Variants in PLXDC2 observed in about 807,000 individuals in gnomAD.
PLXDC2 encodes plexin domain-containing protein 2.
A neutral mutation model predicts 68.9 loss-of-function variants in PLXDC2; 40 were observed. That is an observed-to-expected ratio of 0.58 (90% CI 0.45 to 0.76). The LOEUF (loss-of-function observed/expected upper bound fraction) is 0.76, where lower values mean the gene tolerates loss of function less well. Ranked by LOEUF, PLXDC2 falls within the 30% of genes least tolerant of loss-of-function variation. The probability of loss-of-function intolerance (pLI) is 0.00; values close to 1 mark genes in which losing one functional copy is unlikely to be tolerated. For missense variants in PLXDC2, 644 were observed against 661.9 expected, an observed-to-expected ratio of 0.97 and a Z score of 0.30; for synonymous variants, 243 against 234.2, an observed-to-expected ratio of 1.04 and a Z score of -0.34.
At chr10:20,011,177 C>T (rs1031500278) in intron 2 of PLXDC2, among the ~76,000 whole-genome samples, 2 of 151,886 alleles carry the variant, frequency 1.3e-5, no homozygotes, top group East Asian at 1.9e-4. Context: ...ATATGTTGAA[C>T]GAAGGGCTCA....
chr10:20,203,600 C>T (rs1287119704), intron 9 of PLXDC2, among the ~76,000 whole-genome samples: 4 of 151,918 alleles, frequency 2.6e-5, no homozygotes, highest in Admixed American at 6.6e-5. Context: ...CATGAGCCAC[C>T]GTGCCCAGCC....
At chr10:19,858,959 G>A (rs1837266896) in intron 1 of PLXDC2, among the ~76,000 whole-genome samples, 1 of 151,628 alleles carries the variant, frequency 6.6e-6, no homozygotes, top group South Asian at 2.1e-4. Flanking sequence ...AAGGCTTCAG[G>A]AAGCTTCCAC....
At chr10:20,176,158 T>C (rs1054327230) in intron 7 of PLXDC2, among the ~76,000 whole-genome samples, 44 of 152,276 alleles carry the variant, frequency 2.9e-4, no homozygotes, top group Non-Finnish European at 5.7e-4. Flanking sequence ...CATCGTGCAA[T>C]ATAAATGCTA....
chr10:20,005,640 C>T (rs1456095782), intron 2 of PLXDC2, among the ~76,000 whole-genome samples: 10 of 151,944 alleles, frequency 6.6e-5, no homozygotes, highest in Non-Finnish European at 1.5e-4. Context: ...TGGGAGCAGG[C>T]GTGTCACATG....
At position 19,965,932 on chromosome 10, in the gene PLXDC2, C is replaced by G. The variant is rs531591002; in HGVS notation, c.113-35843C>G. On this transcript the variant is annotated intron_variant, in intron 1 of 13. Transcript: ENST00000377252. Reference sequence around the variant, plus strand: ...CTTCTTATTAACAAGATCTCAGTCTCAATTCTAGAAGATGCTTCTTTTAGG... The same window carrying G: ...CTTCTTATTAACAAGATCTCAGTCTGAATTCTAGAAGATGCTTCTTTTAGG... 1.1e-3 allele frequency among the ~76,000 whole-genome samples: 165 copies of G among 152,172 alleles called. 1 individual carries two copies. Among genetic ancestry groups the G allele is most frequent in the Non-Finnish European group, 2.0e-3 (137 of 68,010 alleles).
intron 1 of PLXDC2, among the ~76,000 whole-genome samples, chr10:19,830,850 TG>T (rs1337053780): frequency 1.3e-5 from 2 of 152,184 alleles, no homozygotes; most frequent in Non-Finnish European, 2.9e-5. Context: ...GATTTTGAGC[TG>T]GGATTTGTTA....
chr10:19,895,529 T>C (rs1366343469), intron 1 of PLXDC2, among the ~76,000 whole-genome samples: 1 of 152,202 alleles, frequency 6.6e-6, no homozygotes, highest in African/African-American at 2.4e-5. Flanking sequence ...AATATAAAAA[T>C]TACTTGTGTG....
At chr10:19,849,678 G>A (rs551053289) in intron 1 of PLXDC2, among the ~76,000 whole-genome samples, 2 of 152,054 alleles carry the variant, frequency 1.3e-5, no homozygotes, top group South Asian at 4.1e-4. Flanking sequence ...CCCTAACCCT[G>A]CACAACCATG....
chr10:20,108,225 C>T (rs1437166866), intron 4 of PLXDC2, among the ~76,000 whole-genome samples: 1 of 151,988 alleles, frequency 6.6e-6, no homozygotes, highest in Non-Finnish European at 1.5e-5. Flanking sequence ...GTAATGTTTC[C>T]CGAGTTGGGT....
chr10:19,936,245 C>T (rs775731956), intron 1 of PLXDC2, among the ~76,000 whole-genome samples: 2 of 152,190 alleles, frequency 1.3e-5, no homozygotes. Context: ...ACTCCCCACT[C>T]ATCTCACCTC....
At chr10:19,904,785 G>C (rs1050468746) in intron 1 of PLXDC2, among the ~76,000 whole-genome samples, 1 of 152,162 alleles carries the variant, frequency 6.6e-6, no homozygotes, top group Non-Finnish European at 1.5e-5. Context: ...CCATCTTCCT[G>C]TGTTAGGGTT....
chr10:19,887,132 T>A (rs899221801), intron 1 of PLXDC2, among the ~76,000 whole-genome samples: 10 of 152,214 alleles, frequency 6.6e-5, no homozygotes, highest in African/African-American at 2.4e-4. Flanking sequence ...AATCTTCTAA[T>A]TATGTCTTTT....
intron 1 of PLXDC2, among the ~76,000 whole-genome samples, chr10:19,879,502 G>C (rs1440509394): frequency 2.6e-5 from 4 of 152,104 alleles, no homozygotes; most frequent in African/African-American, 9.7e-5. Flanking sequence ...TTGTGTACTA[G>C]ACACTTTGCC....
chr10:19,955,627 C>G (rs1321948678), intron 1 of PLXDC2, among the ~76,000 whole-genome samples: 1 of 151,894 alleles, frequency 6.6e-6, no homozygotes, highest in African/African-American at 2.4e-5. Context: ...AGATAAAATA[C>G]GTAAAACACA....
intron 1 of PLXDC2, among the ~76,000 whole-genome samples, chr10:19,973,096 T>C (rs1046039743): frequency 1.3e-5 from 2 of 151,938 alleles, no homozygotes; most frequent in African/African-American, 4.8e-5. Flanking sequence ...AAAGAGTTTT[T>C]GGCTTTGAAT....
chr10:20,065,563 A>C (rs562016619), intron 3 of PLXDC2, among the ~76,000 whole-genome samples: 4 of 152,266 alleles, frequency 2.6e-5, no homozygotes, highest in Admixed American at 2.6e-4. Context: ...TTCTATTATT[A>C]TTACATTATA....
intron 2 of PLXDC2, among the ~76,000 whole-genome samples, chr10:20,006,949 G>T (rs1445667682): frequency 2.0e-5 from 3 of 152,212 alleles, no homozygotes; most frequent in Non-Finnish European, 2.9e-5. Flanking sequence ...CATTCATACG[G>T]ACGTATAACC....
chr10:20,100,679 CAGAA>C (rs1470660710), intron 4 of PLXDC2, among the ~76,000 whole-genome samples: 1 of 152,088 alleles, frequency 6.6e-6, no homozygotes, highest in Non-Finnish European at 1.5e-5. Context: ...ACACAGGTGA[CAGAA>C]AGGAAGGGGA....
intron 4 of PLXDC2, among the ~76,000 whole-genome samples, chr10:20,110,827 G>A (rs1833551539): frequency 6.6e-6 from 1 of 152,090 alleles, no homozygotes; most frequent in South Asian, 2.1e-4. Flanking sequence ...GTTTCGTTTT[G>A]TTTTTGATCG....
Sources: gnomAD v4.1 joint callset for allele counts (sites outside exome capture counted in the v4.1 genomes callset) on GRCh38, gnomAD v4.1.1 for gene constraint, MANE v1.5 for transcripts, NCBI Gene and HGNC (gene_info 2026-07-23, HGNC 2026-07-21) for gene names.